Variants in ETS1 observed in about 807,000 individuals in gnomAD.
ETS1 encodes ETS proto-oncogene 1, transcription factor.
ETS1 carries 15 observed loss-of-function variants against 58.6 expected under a neutral mutation model. That is an observed-to-expected ratio of 0.26 (90% confidence interval 0.17 to 0.39). The LOEUF is 0.39. Among genes scored for constraint, ETS1 ranks in the 10% least tolerant of loss-of-function variants. ETS1 has a pLI of 1.00. For missense variants in ETS1, 417 were observed against 610.5 expected, an observed-to-expected ratio of 0.68 and a Z score of 3.34; for synonymous variants, 214 against 218.2, an observed-to-expected ratio of 0.98 and a Z score of 0.17.
chr11:128,469,824 T>C (rs1862136634), intron 8 of ETS1, among the ~76,000 whole-genome samples: 2 of 152,224 alleles, frequency 1.3e-5, no homozygotes, highest in South Asian at 4.1e-4. Flanking sequence ...TTCTGAGTTG[T>C]ATATTTTCTT....
At chr11:128,545,957 T>C (rs1270471155) in intron 3 of ETS1, among the ~76,000 whole-genome samples, 1 of 152,232 alleles carries the variant, frequency 6.6e-6, no homozygotes, top group Non-Finnish European at 1.5e-5. Context: ...CTTTCTGTTA[T>C]TTCTAATCTG....
chr11:128,535,758 C>T (rs1419372686), intron 3 of ETS1, among the ~76,000 whole-genome samples: 4 of 152,190 alleles, frequency 2.6e-5, no homozygotes, highest in Non-Finnish European at 2.9e-5. Flanking sequence ...TATTTTACCA[C>T]CACAATCTCA....
chr11:128,508,490 C>T (rs1043359067), intron 3 of ETS1, among the ~76,000 whole-genome samples: 4 of 152,172 alleles, frequency 2.6e-5, no homozygotes, highest in African/African-American at 9.7e-5. Flanking sequence ...CATGGTGCTG[C>T]CTCCAGTGAG....
chr11:128,511,699 A>G (rs1191831909), intron 3 of ETS1, among the ~76,000 whole-genome samples: 2 of 152,230 alleles, frequency 1.3e-5, no homozygotes, highest in Non-Finnish European at 2.9e-5. Context: ...TCTCAAGCTA[A>G]CGTTTATTAA....
intron 3 of ETS1, among the ~76,000 whole-genome samples, chr11:128,505,631 A>AGGGT (rs1863207874): frequency 6.6e-6 from 1 of 152,178 alleles, no homozygotes; most frequent in African/African-American, 2.4e-5. Context: ...CAAGCCCAAG[A>AGGGT]GGGTGGTAAG....
chr11:128,465,462 T>C (rs1270486182), intron 8 of ETS1, among the ~76,000 whole-genome samples: 3 of 152,206 alleles, frequency 2.0e-5, no homozygotes, highest in Non-Finnish European at 4.4e-5. Context: ...AGCTACTTGT[T>C]TTCTGCCTGG....
chr11:128,462,830 G>A (rs1861938756), intron 9 of ETS1, among the ~76,000 whole-genome samples: 1 of 151,816 alleles, frequency 6.6e-6, no homozygotes, highest in Admixed American at 6.6e-5. Context: ...CCTGAACTAG[G>A]ATTAAATATG....
intron 8 of ETS1, among the ~76,000 whole-genome samples, chr11:128,465,457 C>T (rs1212640769): frequency 6.6e-6 from 1 of 152,190 alleles, no homozygotes; most frequent in Non-Finnish European, 1.5e-5. Context: ...TCATGAGCTA[C>T]TTGTTTTCTG....
chr11:128,533,057 G>A (rs777402277), intron 3 of ETS1, among the ~76,000 whole-genome samples: 14 of 152,138 alleles, frequency 9.2e-5, no homozygotes, highest in Non-Finnish European at 1.8e-4. Flanking sequence ...CGCTCCCATC[G>A]CCAATTAGCC....
At chr11:128,573,233 A>G (rs1258311631) in intron 1 of ETS1, 89 bp from the exon 2 acceptor site, 13 of 941,780 alleles carry the variant, frequency 1.4e-5, no homozygotes, top group Non-Finnish European at 2.1e-5. Flanking sequence ...CTTAGAACTA[A>G]AAGTCTCCTT....
intron 3 of ETS1, chr11:128,536,596 C>A (rs1056841927): frequency 1.3e-5 from 2 of 152,116 alleles, no homozygotes; most frequent in African/African-American, 2.4e-5. Flanking sequence ...GTTTTCTGAT[C>A]CAATTGAGAC....
chr11:128,484,182 G>A (rs576868183), intron 7 of ETS1, among the ~76,000 whole-genome samples: 16 of 152,206 alleles, frequency 1.1e-4, no homozygotes, highest in Non-Finnish European at 1.5e-4. Context: ...TAATAGTCAC[G>A]TTAACAAAAC....
chr11:128,479,666 A>G (rs1862428411), intron 8 of ETS1, among the ~76,000 whole-genome samples: 2 of 152,292 alleles, frequency 1.3e-5, no homozygotes, highest in South Asian at 4.1e-4. Flanking sequence ...GGCATTCTCT[A>G]TAGGCCAGGA....
At chr11:128,479,448 T>C (rs1862421481) in intron 8 of ETS1, among the ~76,000 whole-genome samples, 1 of 152,248 alleles carries the variant, frequency 6.6e-6, no homozygotes, top group Non-Finnish European at 1.5e-5. Context: ...TCAGATATAC[T>C]CTCCACATGT....
At chr11:128,469,407 A>T (rs1414183214) in intron 8 of ETS1, among the ~76,000 whole-genome samples, 3 of 152,208 alleles carry the variant, frequency 2.0e-5, no homozygotes, top group African/African-American at 7.2e-5. Flanking sequence ...CGATGATGGC[A>T]AAAACAGAAC....
chr11:128,543,124 C>T (rs764417411), intron 3 of ETS1, among the ~76,000 whole-genome samples: 19 of 150,072 alleles, frequency 1.3e-4, no homozygotes, highest in African/African-American at 2.7e-4. Flanking sequence ...ACCCTGGAGG[C>T]GGAAGTTGCA....
chr11:128,520,394 C>T (rs1344204970), intron 3 of ETS1, among the ~76,000 whole-genome samples: 4 of 152,170 alleles, frequency 2.6e-5, no homozygotes, highest in Non-Finnish European at 1.5e-5. Context: ...TCTCTTCCCC[C>T]ATAAACACCC....
In ETS1 at chr11:128,549,161, T is replaced by C. The variant is rs910193590; in HGVS notation, c.214+7130A>G. On this transcript the variant is annotated intron_variant, in intron 3 of 9. Transcript: ENST00000392668. This position sits in a 1 kb window ranked among gnomAD's most constrained non-coding sequence, Gnocchi z 4.3. ...CCTGCCTCGGCAGCTATAAACACAGTGAACATCTGGAGAGAGAGCCCGTGT... is the reference window on the plus strand; with the variant it reads ...CCTGCCTCGGCAGCTATAAACACAGCGAACATCTGGAGAGAGAGCCCGTGT... 6.6e-6 allele frequency among the ~76,000 whole-genome samples: 1 copy of C among 152,096 alleles called. No individual in the cohort carries two copies. The highest frequency in any genetic ancestry group is 1.5e-5 in the Non-Finnish European group (1 of 68,008).
At chr11:128,497,035 C>G (rs1331963303) in intron 3 of ETS1, among the ~76,000 whole-genome samples, 1 of 152,182 alleles carries the variant, frequency 6.6e-6, no homozygotes, top group Non-Finnish European at 1.5e-5. Context: ...CAACAGGACA[C>G]TATGAGACCT....
Sources: gnomAD v4.1 joint callset for allele counts (sites outside exome capture counted in the v4.1 genomes callset) on GRCh38, gnomAD v4.1.1 for gene constraint, Gnocchi (gnomAD v3.1) non-coding constraint, MANE v1.5 for transcripts, NCBI Gene and HGNC (gene_info 2026-07-23, HGNC 2026-07-21) for gene names.